The following ZFYVE9 variants were observed in gnomAD, a reference collection of about 807,000 sequenced individuals.
ZFYVE9 encodes the protein zinc finger FYVE-type containing 9, also known as zinc finger FYVE domain-containing protein 9.
ZFYVE9 carries 43 observed loss-of-function variants against 126.7 expected under a neutral mutation model. That is an observed-to-expected ratio of 0.34 (90% CI 0.27 to 0.44). The LOEUF (loss-of-function observed/expected upper bound fraction) is 0.44, where lower values mean the gene tolerates loss of function less well. ZFYVE9 is among the 20% of genes least tolerant of loss of function. ZFYVE9 has a pLI of 1.00. For missense variants in ZFYVE9, 1,476 were observed against 1,697.0 expected (o/e 0.87, Z 2.29); for synonymous variants, 521 against 597.4 (o/e 0.87, Z 1.87).
At chr1:52,278,043 A>G (rs1221241287) in intron 8 of ZFYVE9, among the ~76,000 whole-genome samples, 1 of 152,196 alleles carries the variant, frequency 6.6e-6, no homozygotes, top group Non-Finnish European at 1.5e-5. Context: ...ACAAAAGGTC[A>G]TAGAGTAAAA....
At chr1:52,298,988 T>G (rs965762772) in intron 12 of ZFYVE9, among the ~76,000 whole-genome samples, 1 of 152,036 alleles carries the variant, frequency 6.6e-6, no homozygotes, top group Non-Finnish European at 1.5e-5. Context: ...TTTTGTACTT[T>G]TAGTAGAGAC....
At chr1:52,189,177 T>G (rs1644793671) in intron 1 of ZFYVE9, among the ~76,000 whole-genome samples, 1 of 151,914 alleles carries the variant, frequency 6.6e-6, no homozygotes, top group Non-Finnish European at 1.5e-5. Flanking sequence ...CCTTAAGTGA[T>G]CCATCCACCT....
At chr1:52,211,967 G>T (rs912645423) in intron 1 of ZFYVE9, among the ~76,000 whole-genome samples, 1 of 151,920 alleles carries the variant, frequency 6.6e-6, no homozygotes, top group Non-Finnish European at 1.5e-5. Flanking sequence ...ATAAGTTTAT[G>T]TAAGAACTAA....
At chr1:52,296,859 G>C (rs923579751) in intron 12 of ZFYVE9, among the ~76,000 whole-genome samples, 2 of 152,160 alleles carry the variant, frequency 1.3e-5, no homozygotes, top group Non-Finnish European at 2.9e-5. Flanking sequence ...TATCGCCCAA[G>C]TTGGAATGCA....
intron 17 of ZFYVE9, among the ~76,000 whole-genome samples, chr1:52,342,351 C>T (rs530327311): frequency 3.3e-5 from 5 of 151,178 alleles, no homozygotes; most frequent in African/African-American, 7.3e-5. Flanking sequence ...CTGCAAGCTC[C>T]GCCTCCCGGG....
At chr1:52,260,569 C>T (rs1296652055) in intron 4 of ZFYVE9, among the ~76,000 whole-genome samples, 3 of 152,076 alleles carry the variant, frequency 2.0e-5, no homozygotes, top group Non-Finnish European at 4.4e-5. Flanking sequence ...GTAATCCCAG[C>T]ACTTTGGGAG....
intron 13 of ZFYVE9, among the ~76,000 whole-genome samples, chr1:52,322,949 C>T (rs1354697149): frequency 2.0e-5 from 3 of 152,012 alleles, no homozygotes; most frequent in Non-Finnish European, 4.4e-5. Context: ...GGACTATAGG[C>T]GCCTGCCACC....
chr1:52,314,500 G>A (rs1212488862), intron 13 of ZFYVE9, among the ~76,000 whole-genome samples: 1 of 152,154 alleles, frequency 6.6e-6, no homozygotes, highest in Non-Finnish European at 1.5e-5. Context: ...TGGCTAACAT[G>A]GTGAAAGCCC....
chr1:52,251,067 TTTG>T (rs1274434322), intron 4 of ZFYVE9, among the ~76,000 whole-genome samples: 1 of 150,912 alleles, frequency 6.6e-6, no homozygotes, highest in Non-Finnish European at 1.5e-5. Context: ...TTGTTGTTTG[TTTG>T]TTTTTTGTTT....
chr1:52,255,943 C>CTTTTCTTTTCTTTTCTT (rs1645507486), intron 4 of ZFYVE9, among the ~76,000 whole-genome samples: 1 of 122,312 alleles, frequency 8.2e-6, no homozygotes, highest in Non-Finnish European at 1.6e-5. Flanking sequence ...CTTTTCTTTT[C>CTTTTCTTTTCTTTTCTT]TTTTCTTTTC....
chr1:52,247,558 G>A (rs537646243), intron 4 of ZFYVE9, among the ~76,000 whole-genome samples: 7 of 152,056 alleles, frequency 4.6e-5, no homozygotes, highest in Middle Eastern at 6.8e-3. Flanking sequence ...GTGCAGTGGC[G>A]CAATCTCGGC....
At chr1:52,300,953 G>A (rs1569709773) in intron 12 of ZFYVE9, among the ~76,000 whole-genome samples, 1 of 150,294 alleles carries the variant, frequency 6.7e-6, no homozygotes, top group African/African-American at 2.4e-5. Flanking sequence ...TCCACCTCCC[G>A]GGCTCAAGCA....
At chr1:52,281,042 G>C (rs1645797504) in intron 9 of ZFYVE9, among the ~76,000 whole-genome samples, 1 of 151,294 alleles carries the variant, frequency 6.6e-6, no homozygotes, top group Admixed American at 6.6e-5. Context: ...TTAATAGAAT[G>C]TTGCTTCTTT....
At chr1:52,317,390 T>C (rs991579306) in intron 13 of ZFYVE9, among the ~76,000 whole-genome samples, 2 of 151,194 alleles carry the variant, frequency 1.3e-5, no homozygotes, top group Non-Finnish European at 2.9e-5. Flanking sequence ...GGCATGATGG[T>C]GCGTGTCTGT....
chr1:52,233,370 C>T (rs978087726), intron 3 of ZFYVE9, 94 bp downstream of exon 3: 31 of 798,452 alleles, frequency 3.9e-5, no homozygotes, highest in Non-Finnish European at 2.0e-5. Flanking sequence ...AAAATCAGGT[C>T]TGATGACTTA....
rs145528079 is a variant in ZFYVE9 at position 52,195,941 on chromosome 1, C to T, written c.-142-20428C>T. Among the ~76,000 whole-genome samples, 649 of 152,108 alleles carry T rather than the reference C, an allele frequency of 4.3e-3. 8 individuals are homozygous for T. Among genetic ancestry groups the T allele is most frequent in the African/African-American group, 0.011 (455 of 41,506 alleles). On this transcript the variant is annotated intron_variant, in intron 1 of 18. Transcript: ENST00000287727. The stretch of plus-strand genomic sequence containing the variant: ...CCGAGTAGCCGGGACTATAGGTTCG[C>T]GGCAGCAAGTCCAGCTAATTTTTGT...
At chr1:52,222,082 G>A (rs1226179939) in intron 2 of ZFYVE9, among the ~76,000 whole-genome samples, 3 of 152,114 alleles carry the variant, frequency 2.0e-5, no homozygotes, top group African/African-American at 7.2e-5. Flanking sequence ...CAGGTTCTAC[G>A]AATTGGAGTT....
At chr1:52,181,550 T>C (rs535941802) in intron 1 of ZFYVE9, among the ~76,000 whole-genome samples, 1 of 150,362 alleles carries the variant, frequency 6.7e-6, no homozygotes, top group East Asian at 2.0e-4. Flanking sequence ...GCCCATCGTC[T>C]GGGATGTGAG....
chr1:52,227,197 C>T (rs1156860791), intron 2 of ZFYVE9, among the ~76,000 whole-genome samples: 1 of 152,234 alleles, frequency 6.6e-6, no homozygotes, highest in Non-Finnish European at 1.5e-5. Context: ...CTTTTCTCTT[C>T]AGTTGAGGGT....
Sources: allele counts gnomAD v4.1 joint callset (sites outside exome capture counted in the v4.1 genomes callset), GRCh38; gene constraint gnomAD v4.1.1; transcripts MANE v1.5; gene names NCBI Gene and HGNC (gene_info 2026-07-23, HGNC 2026-07-21).